Variants in CHRNA3 observed in about 807,000 individuals in gnomAD.
CHRNA3 encodes neuronal acetylcholine receptor subunit alpha-3.
In CHRNA3, 34 loss-of-function variants were observed where a neutral mutation model predicts 41.9. The observed-to-expected ratio is 0.81, with a 90% CI of 0.62 to 1.08. The LOEUF (loss-of-function observed/expected upper bound fraction) is 1.08. Among genes scored for constraint, CHRNA3 ranks in the 50% least tolerant of loss-of-function variants. The pLI, the probability that CHRNA3 is intolerant of heterozygous loss-of-function variation, is 0.00. For synonymous variants in CHRNA3, 281 were observed against 265.2 expected (o/e 1.06, Z -0.58); for missense variants, 542 against 638.3 (o/e 0.85, Z 1.63).
intron 4 of CHRNA3, among the ~76,000 whole-genome samples, chr15:78,608,125 A>C (rs1437935108): frequency 1.3e-5 from 2 of 152,232 alleles, no homozygotes; most frequent in Non-Finnish European, 2.9e-5. Flanking sequence ...CTGCCTCTAT[A>C]GGCTCCACCT....
intron 5 of CHRNA3, among the ~76,000 whole-genome samples, chr15:78,598,200 G>A (rs1234610516): frequency 6.6e-6 from 1 of 152,126 alleles, no homozygotes; most frequent in Non-Finnish European, 1.5e-5. Flanking sequence ...TTCCTTATCT[G>A]TAAAATGGGG....
intron 4 of CHRNA3, among the ~76,000 whole-genome samples, chr15:78,604,651 G>T (rs548434102): frequency 6.6e-6 from 1 of 152,252 alleles, no homozygotes; most frequent in South Asian, 2.1e-4. Context: ...CTGGAGACTG[G>T]GGTCTGGCAC....
At chr15:78,614,787 C>A (rs1448607171) in intron 4 of CHRNA3, among the ~76,000 whole-genome samples, 1 of 152,140 alleles carries the variant, frequency 6.6e-6, no homozygotes, top group Admixed American at 6.5e-5. Flanking sequence ...CTTCAATACC[C>A]AGAGAACTAA....
At chr15:78,595,153 G>A (rs55736590), downstream of CHRNA3, 474 of 281,448 alleles carry the variant, frequency 1.7e-3, 5 homozygotes, top group South Asian at 2.1e-3. Context: ...GTGAAAGCCT[G>A]GTGTGATGAA....
At chr15:78,609,015 G>A (rs1567084507) in intron 4 of CHRNA3, among the ~76,000 whole-genome samples, 1 of 152,180 alleles carries the variant, frequency 6.6e-6, no homozygotes. Context: ...AATGAAGTGA[G>A]AAGGGAAGTT....
At chr15:78,604,008 A>C (rs1027162711) in intron 4 of CHRNA3, among the ~76,000 whole-genome samples, 1 of 152,166 alleles carries the variant, frequency 6.6e-6, no homozygotes, top group Non-Finnish European at 1.5e-5. Context: ...AAAGACCCTC[A>C]GGAAGGCAGA....
chr15:78,619,766 C>G (rs2053520542), intron 1 of CHRNA3: 1 of 152,324 alleles, frequency 6.6e-6, no homozygotes, highest in Non-Finnish European at 1.5e-5. Flanking sequence ...TTCCCACGTA[C>G]AGATCTGGGG....
intron 1 of CHRNA3, chr15:78,619,350 C>A (rs150476556): frequency 6.0e-6 from 1 of 167,968 alleles, no homozygotes; most frequent in Non-Finnish European, 1.3e-5. Flanking sequence ...AAGAACTATT[C>A]GCAATCTTTT....
At chr15:78,597,729 A>G (rs955945297) in intron 5 of CHRNA3, among the ~76,000 whole-genome samples, 1 of 152,226 alleles carries the variant, frequency 6.6e-6, no homozygotes, top group Non-Finnish European at 1.5e-5. Context: ...AATTGTAATT[A>G]TACTCCTAGA....
chr15:78,596,768 A>G, intron 5 of CHRNA3, 36 bp from the exon 6 acceptor site: 1 of 1,581,506 alleles, frequency 6.3e-7, no homozygotes, highest in Non-Finnish European at 8.6e-7. Context: ...AAAAACATGG[A>G]GGGAAAGGCA....
chr15:78,609,427 C>T (rs2053347933), intron 4 of CHRNA3, among the ~76,000 whole-genome samples: 1 of 152,200 alleles, frequency 6.6e-6, no homozygotes, highest in Non-Finnish European at 1.5e-5. Context: ...CAATATTCAA[C>T]ATTCTTAAAG....
intron 5 of CHRNA3, chr15:78,599,813 C>T: frequency 7.0e-6 from 1 of 143,648 alleles, no homozygotes; most frequent in African/African-American, 2.6e-5. Context: ...GTCGGGAGTT[C>T]AAGACCAGCC....
At position 78,595,835 on chromosome 15, in the gene CHRNA3, A is replaced by G. The variant is rs1352538954; in HGVS notation, c.*769T>C. 1 of 154,160 alleles carries G rather than the reference A, an allele frequency of 6.5e-6. No homozygotes were observed. Among genetic ancestry groups the G allele is most frequent in the African/African-American group, 2.4e-5 (1 of 41,440 alleles). 9.5% of individuals were successfully genotyped at this position (154,160 alleles called of 1,614,324 possible). On this transcript the variant is annotated 3_prime_UTR_variant, in exon 6 of 6. Coordinates refer to ENST00000326828, the MANE Select transcript of CHRNA3 (RefSeq NM_000743.5). ...TGAATGGGGTTAGTGCCCTTATAAA[A>G]TAGACCCCACAGAGATAGCTAGTCC...
Position 78,617,504 on chromosome 15 carries a change from C to T in CHRNA3, c.268-371G>A, listed in dbSNP as rs183696492. 3.9e-5 allele frequency among the ~76,000 whole-genome samples: 6 copies of T among 152,252 alleles called. No individual in the cohort carries two copies. In the East Asian group the frequency reaches 1.2e-3, roughly 29 times the overall value. On this transcript the variant is annotated intron_variant, in intron 3 of 5. Coordinates refer to ENST00000326828, the MANE Select transcript of CHRNA3 (RefSeq NM_000743.5). ...GCCTGTTTACAGCCCCTGAATGGCT[C>T]TCCAGGGGTGTTTTCCAACATAGAC...
chr15:78,611,160 C>A (rs2053374076), intron 4 of CHRNA3, among the ~76,000 whole-genome samples: 1 of 152,210 alleles, frequency 6.6e-6, no homozygotes, highest in South Asian at 2.1e-4. Context: ...GAGCTGGTAC[C>A]ATTCCTTCTG....
In CHRNA3 at chr15:78,596,319, A is replaced by G; in HGVS notation, c.*285T>C. The G allele has an allele frequency of 1.9e-6, 2 of 1,035,406 alleles. No homozygotes were observed. The highest frequency in any genetic ancestry group is 4.7e-4 in the Middle Eastern group (1 of 2,132). 64.1% of individuals were successfully genotyped at this position (1,035,406 alleles called of 1,614,324 possible). A position where few individuals can be genotyped will look rare whatever the true frequency, so the allele number is the denominator to read the frequency against. ...TTTGTTTCAACAACTAAAAGGAAACATTTTTACATGTATATTCCATAGCAT... is the reference window on the plus strand; with the variant it reads ...TTTGTTTCAACAACTAAAAGGAAACGTTTTTACATGTATATTCCATAGCAT... On this transcript the variant is annotated 3_prime_UTR_variant, in exon 6 of 6. Transcript: ENST00000326828.
At chr15:78,614,430 A>G (rs1376145376) in intron 4 of CHRNA3, among the ~76,000 whole-genome samples, 1 of 152,212 alleles carries the variant, frequency 6.6e-6, no homozygotes, top group African/African-American at 2.4e-5. Flanking sequence ...ATTACATACA[A>G]GAAACATTTA....
intron 4 of CHRNA3, among the ~76,000 whole-genome samples, chr15:78,608,902 T>G (rs7174019): frequency 0.036 from 5,488 of 152,196 alleles, 339 homozygotes; most frequent in African/African-American, 0.12. Context: ...CTGATGGAGC[T>G]GAAAGCCAAG....
chr15:78,617,856 G>A (rs139850634), intron 3 of CHRNA3, among the ~76,000 whole-genome samples: 1 of 152,298 alleles, frequency 6.6e-6, no homozygotes, highest in East Asian at 1.9e-4. Context: ...AAGCCTCCCT[G>A]GGGAGGACAT....
Sources: gnomAD v4.1 joint callset for allele counts (sites outside exome capture counted in the v4.1 genomes callset) on GRCh38, gnomAD v4.1.1 for gene constraint, MANE v1.5 for transcripts, NCBI Gene and HGNC (gene_info 2026-07-23, HGNC 2026-07-21) for gene names.